Variants in GREB1L observed in about 807,000 individuals in gnomAD.
The protein encoded by GREB1L is GREB1-like protein.
Under a neutral mutation model 200.8 loss-of-function variants are expected in GREB1L, and 17 were observed. The observed-to-expected ratio is 0.08, with a 90% confidence interval of 0.06 to 0.13. The LOEUF (loss-of-function observed/expected upper bound fraction) is 0.13, where lower values mean the gene tolerates loss of function less well. Among genes scored for constraint, GREB1L ranks in the 10% least tolerant of loss-of-function variants. The probability of loss-of-function intolerance (pLI) is 1.00; values close to 1 mark genes in which losing one functional copy is unlikely to be tolerated. For missense variants in GREB1L, 1,657 were observed against 2,367.7 expected (o/e 0.70, Z 6.23); for synonymous variants, 789 against 893.0 (o/e 0.88, Z 2.08).
Position 21,431,004 on chromosome 18 carries a change from T to TTATTTATTTATG in GREB1L, c.833-8506_833-8505insGTATTTATTTAT, listed in dbSNP as rs1447197988. Among the ~76,000 whole-genome samples, 6 of 147,962 alleles carry TTATTTATTTATG rather than the reference T, an allele frequency of 4.1e-5. 1 individual carries two copies. Among genetic ancestry groups the TTATTTATTTATG allele is most frequent in the African/African-American group, 1.5e-4 (6 of 40,408 alleles). On this transcript the variant is annotated intron_variant, in intron 7 of 32. Coordinates refer to ENST00000424526, the MANE Select transcript of GREB1L (RefSeq NM_001142966.3). ...TTTAATTTTCATTTATTTTATTTAT[T>TTATTTATTTATG]TATTTATTTATTTATTTATTTATTT...
intron 1 of GREB1L, among the ~76,000 whole-genome samples, chr18:21,275,529 T>G (rs1046014341): frequency 3.9e-5 from 6 of 152,026 alleles, no homozygotes; most frequent in African/African-American, 1.4e-4. Flanking sequence ...GGTGCTCGCC[T>G]GTAATCCCAG....
chr18:21,306,345 T>G (rs1408133568), intron 1 of GREB1L, among the ~76,000 whole-genome samples: 2 of 152,208 alleles, frequency 1.3e-5, no homozygotes, highest in Non-Finnish European at 2.9e-5. Flanking sequence ...TTCATGATAA[T>G]TAAGTGGTCT....
chr18:21,374,115 C>T (rs537053668), intron 2 of GREB1L, among the ~76,000 whole-genome samples: 5 of 152,220 alleles, frequency 3.3e-5, no homozygotes, highest in Admixed American at 6.5e-5. Context: ...AATTCTCATG[C>T]CTCAGCCTCC....
intron 1 of GREB1L, among the ~76,000 whole-genome samples, chr18:21,249,585 T>G (rs1158521860): frequency 6.6e-6 from 1 of 152,140 alleles, no homozygotes; most frequent in African/African-American, 2.4e-5. Context: ...CCGGGTGTGG[T>G]GGCTCATGCC....
At chr18:21,488,566 C>T (rs2036212206) in intron 18 of GREB1L, among the ~76,000 whole-genome samples, 1 of 152,208 alleles carries the variant, frequency 6.6e-6, no homozygotes, top group Non-Finnish European at 1.5e-5. Flanking sequence ...AGAAAGTGCA[C>T]AGCCCCAGCC....
At chr18:21,470,759 A>G (rs1353137993) in intron 15 of GREB1L, among the ~76,000 whole-genome samples, 1 of 151,880 alleles carries the variant, frequency 6.6e-6, no homozygotes, top group Non-Finnish European at 1.5e-5. Context: ...ATATGCATAG[A>G]AAAAAAACAG....
At chr18:21,273,930 C>A (rs1179020239) in intron 1 of GREB1L, among the ~76,000 whole-genome samples, 12 of 152,074 alleles carry the variant, frequency 7.9e-5, no homozygotes, top group Non-Finnish European at 1.8e-4. Context: ...GAAAAACTTA[C>A]TGTTTTAGAT....
chr18:21,394,340 A>G (rs2040953715), intron 4 of GREB1L, among the ~76,000 whole-genome samples: 1 of 152,222 alleles, frequency 6.6e-6, no homozygotes, highest in African/African-American at 2.4e-5. Context: ...ATCATTCCCC[A>G]GAAGATTTGC....
At chr18:21,300,202 A>G (rs898700747) in intron 1 of GREB1L, among the ~76,000 whole-genome samples, 4 of 152,204 alleles carry the variant, frequency 2.6e-5, no homozygotes, top group African/African-American at 9.6e-5. Flanking sequence ...CTAATAGGAA[A>G]TGGATCATTG....
intron 15 of GREB1L, among the ~76,000 whole-genome samples, chr18:21,470,916 C>G (rs2035458437): frequency 6.6e-6 from 1 of 152,120 alleles, no homozygotes; most frequent in South Asian, 2.1e-4. Flanking sequence ...AAAAGCAAGT[C>G]TATAACACAA....
chr18:21,502,263 AAAG>A (rs572587810), intron 23 of GREB1L, among the ~76,000 whole-genome samples: 14 of 151,912 alleles, frequency 9.2e-5, no homozygotes, highest in South Asian at 4.2e-4. Context: ...AAAAAAAAAA[AAAG>A]AAGAAGAAGA....
rs185069651 is a variant in GREB1L at position 21,458,029 on chromosome 18, C to T, written c.2182+3466C>T. On this transcript the variant is annotated intron_variant, in intron 15 of 32. Transcript: ENST00000424526. ...TGTTGTACAGGCTGGAGTGCAGTGG[C>T]GCGTTCTTGGCTCACCACAACCTCC... is the stretch of plus-strand genomic sequence containing the variant. Among the ~76,000 whole-genome samples, 386 of 139,284 alleles carry T rather than the reference C, an allele frequency of 2.8e-3. 3 individuals carry two copies. The highest frequency in any genetic ancestry group is 9.9e-3 in the African/African-American group (359 of 36,188). 91.4% of individuals were successfully genotyped at this position (139,284 alleles called of 152,430 possible). A position where few individuals can be genotyped will look rare whatever the true frequency, so the allele number is the denominator to read the frequency against.
At chr18:21,486,921 T>G (rs2036150088) in intron 18 of GREB1L, among the ~76,000 whole-genome samples, 1 of 152,166 alleles carries the variant, frequency 6.6e-6, no homozygotes, top group African/African-American at 2.4e-5. Flanking sequence ...GTCCATAATT[T>G]TGCTAAGAAA....
chr18:21,438,876 G>T (rs182491865), intron 7 of GREB1L, among the ~76,000 whole-genome samples: 54 of 148,554 alleles, frequency 3.6e-4, no homozygotes, highest in African/African-American at 1.3e-3. Flanking sequence ...CAGGAGAATG[G>T]CATGAACCTG....
chr18:21,347,012 T>C (rs1274763835), intron 1 of GREB1L, among the ~76,000 whole-genome samples: 1 of 152,212 alleles, frequency 6.6e-6, no homozygotes, highest in Admixed American at 6.5e-5. Context: ...GCTAATCGCA[T>C]GCCATGGGAC....
At chr18:21,360,635 A>G (rs1207605629) in intron 1 of GREB1L, among the ~76,000 whole-genome samples, 1 of 152,260 alleles carries the variant, frequency 6.6e-6, no homozygotes, top group Admixed American at 6.5e-5. Context: ...TTAGATCACT[A>G]TAGTTGAATC....
chr18:21,245,697 TTTTTGTTTTG>T (rs548631647), intron 1 of GREB1L, among the ~76,000 whole-genome samples: 4,149 of 150,912 alleles, frequency 0.027, 184 homozygotes, highest in African/African-American at 0.096. Context: ...GCCTATTCTT[TTTTTGTTTTG>T]TTTTGTTTTG....
chr18:21,468,428 G>T (rs1417702461), intron 15 of GREB1L, among the ~76,000 whole-genome samples: 4 of 152,178 alleles, frequency 2.6e-5, no homozygotes, highest in African/African-American at 9.7e-5. Flanking sequence ...GTTTCCTTAG[G>T]AGGTGATGAA....
intron 12 of GREB1L, 132 bp from the exon 13 acceptor site, chr18:21,450,891 G>A: frequency 1.4e-6 from 1 of 718,216 alleles, no homozygotes; most frequent in Non-Finnish European, 2.3e-6. Flanking sequence ...ACCTTTTGAT[G>A]TGTCATAATT....
Sources: allele counts gnomAD v4.1 joint callset (sites outside exome capture counted in the v4.1 genomes callset), GRCh38; gene constraint gnomAD v4.1.1; transcripts MANE v1.5; gene names NCBI Gene and HGNC (gene_info 2026-07-23, HGNC 2026-07-21).